Variants in COL14A1 observed in about 807,000 individuals in gnomAD.
The protein encoded by COL14A1 is collagen alpha-1(XIV) chain.
COL14A1 carries 136 observed loss-of-function variants against 230.3 expected under a neutral mutation model. The ratio of observed to expected loss-of-function variants is 0.59; its 90% CI spans 0.51 to 0.68. The LOEUF is 0.68. COL14A1 is among the 30% of genes least tolerant of loss of function. COL14A1 has a pLI of 0.00. For missense variants in COL14A1, 1,976 were observed against 2,215.8 expected (o/e 0.89, Z 2.17); for synonymous variants, 792 against 784.1 (o/e 1.01, Z -0.17).
Position 120,367,160 on chromosome 8 carries a change from A to G in COL14A1, c.5078-11A>G, listed in dbSNP as rs57507442. ...AGAACTTTAAACATTTTTAAAAATT[A>G]TTTTAAACAGGTCTAACTGGTATCA... On this transcript the variant is annotated splice_polypyrimidine_tract_variant and intron_variant, in intron 45 of 47. Coordinates refer to ENST00000297848, the MANE Select transcript of COL14A1 (RefSeq NM_021110.4). The G allele has an allele frequency of 1.3e-6, 2 of 1,574,994 alleles. No individual in the cohort carries two copies. The highest frequency in any genetic ancestry group is 8.6e-7 in the Non-Finnish European group (1 of 1,165,262).
intron 24 of COL14A1, 64 bp from the exon 25 acceptor site, chr8:120,266,763 G>C: frequency 1.5e-6 from 2 of 1,317,832 alleles, no homozygotes; most frequent in Non-Finnish European, 2.2e-6. Context: ...ATTACTCCAT[G>C]ACCTTCCGCT....
chr8:120,251,242 C>G (rs552468468), intron 22 of COL14A1, among the ~76,000 whole-genome samples: 2 of 152,166 alleles, frequency 1.3e-5, no homozygotes, highest in African/African-American at 4.8e-5. Flanking sequence ...GGCGGGATGT[C>G]AGTACCTGGC....
intron 21 of COL14A1, among the ~76,000 whole-genome samples, chr8:120,249,093 A>ATTTTTTTT (rs773091250): frequency 7.8e-6 from 1 of 127,900 alleles, no homozygotes; most frequent in African/African-American, 3.0e-5. Context: ...CGCCCGGCTA[A>ATTTTTTTT]TTTTTTTTTT....
chr8:120,295,843 A>C (rs1395630194), intron 34 of COL14A1, among the ~76,000 whole-genome samples: 2 of 151,894 alleles, frequency 1.3e-5, no homozygotes, highest in African/African-American at 4.8e-5. Context: ...CCAAGACATT[A>C]AATAATTTGT....
chr8:120,311,517 A>C (rs1264731469), intron 37 of COL14A1, among the ~76,000 whole-genome samples: 1 of 152,200 alleles, frequency 6.6e-6, no homozygotes, highest in Non-Finnish European at 1.5e-5. Context: ...GATTTTGATG[A>C]ATCACAGATC....
chr8:120,269,388 TCTGTAATAC>T (rs1819590347), intron 25 of COL14A1, among the ~76,000 whole-genome samples: 1 of 151,826 alleles, frequency 6.6e-6, no homozygotes, highest in South Asian at 2.1e-4. Flanking sequence ...TTTGTTGATA[TCTGTAATAC>T]CTACTGATAA....
chr8:120,128,715 C>G (rs967626087), intron 1 of COL14A1, among the ~76,000 whole-genome samples: 1 of 152,190 alleles, frequency 6.6e-6, no homozygotes, highest in African/African-American at 2.4e-5. Context: ...AGCCTAGACT[C>G]CCCGTTTCCT....
chr8:120,226,618 G>C lies in COL14A1; in HGVS notation c.1865-9G>C, dbSNP rs573163673. ...TTTCCCTAACAAAACCTCCTTCCTC[G>C]GTTTACAGAGGAAGTTCCAGCCCAG... On this transcript the variant is annotated splice_polypyrimidine_tract_variant and intron_variant, in intron 15 of 47. Coordinates refer to ENST00000297848, the MANE Select transcript of COL14A1 (RefSeq NM_021110.4). 1 of 1,611,342 alleles carries C rather than the reference G, an allele frequency of 6.2e-7. No homozygotes were observed. Among genetic ancestry groups the C allele is most frequent in the South Asian group, 1.1e-5 (1 of 90,458 alleles).
intron 5 of COL14A1, among the ~76,000 whole-genome samples, chr8:120,193,672 C>T (rs1177748550): frequency 1.3e-5 from 2 of 152,204 alleles, no homozygotes; most frequent in East Asian, 1.9e-4. Context: ...CAGAGGCAGG[C>T]AGGCCTCCTT....
chr8:120,256,420 T>C (rs1325159588), intron 23 of COL14A1, among the ~76,000 whole-genome samples: 4 of 152,180 alleles, frequency 2.6e-5, no homozygotes, highest in Non-Finnish European at 4.4e-5. Flanking sequence ...ATGTCCCTTG[T>C]AGAATAAGAA....
Position 120,270,113 on chromosome 8 carries a change from T to C in COL14A1, c.3152T>C (p.Ile1051Thr), listed in dbSNP as rs747086918. ...ATTGGAGATGAAAATTTCAATAAGA[T>C]CATCAGCTTTCTATACAGCACTGTT... ...WSIGDENFNKIISFLYSTVGA... is the reference protein window; with the variant it reads ...WSIGDENFNKTISFLYSTVGA... The change falls in exon 26 of 48, where the codon ATC (isoleucine) becomes ACC (threonine). Residue 1051 changes from isoleucine to threonine, a missense_variant. Around this residue, in one of 3 missense-constraint regions of COL14A1, gnomAD observed 1,791 missense variants for 2,019.5 expected, o/e 0.89. Transcript: ENST00000297848. The C allele has an allele frequency of 3.7e-6, 6 of 1,611,646 alleles. No homozygotes were observed. Among genetic ancestry groups the C allele is most frequent in the Non-Finnish European group, 5.1e-6 (6 of 1,178,446 alleles).
chr8:120,271,489 G>C (rs1009754712), intron 26 of COL14A1, among the ~76,000 whole-genome samples: 2 of 151,730 alleles, frequency 1.3e-5, no homozygotes, highest in Admixed American at 1.3e-4. Context: ...GTGATTTAAA[G>C]ATGTCAGGGG....
chr8:120,162,341 C>T, intron 3 of COL14A1, 85 bp from the exon 4 acceptor site: 1 of 1,147,698 alleles, frequency 8.7e-7, no homozygotes, highest in Non-Finnish European at 1.2e-6. Context: ...CTGTTTAACA[C>T]CATAATTGCT....
intron 5 of COL14A1, among the ~76,000 whole-genome samples, chr8:120,169,135 C>T (rs773992453): frequency 2.0e-5 from 3 of 152,144 alleles, no homozygotes; most frequent in Admixed American, 2.0e-4. Context: ...GGATTACAGG[C>T]GTGAGCCACT....
intron 1 of COL14A1, among the ~76,000 whole-genome samples, chr8:120,145,479 C>T (rs796216684): frequency 3.6e-4 from 54 of 152,088 alleles, no homozygotes; most frequent in African/African-American, 1.2e-3. Context: ...ATTAGCCGGG[C>T]GTAGTGGCAC....
chr8:120,365,872 C>T (rs1464861252), intron 45 of COL14A1, among the ~76,000 whole-genome samples: 1 of 152,072 alleles, frequency 6.6e-6, no homozygotes, highest in Non-Finnish European at 1.5e-5. Flanking sequence ...ATGAGTAGAC[C>T]AACCTGGATG....
At chr8:120,208,178 A>G in intron 10 of COL14A1, 54 bp from the exon 11 acceptor site, 1 of 1,493,960 alleles carries the variant, frequency 6.7e-7, no homozygotes. Flanking sequence ...TTTGATTTCA[A>G]TTCTGCGTGT....
At chr8:120,274,488 A>G (rs965028643) in intron 26 of COL14A1, among the ~76,000 whole-genome samples, 1 of 151,894 alleles carries the variant, frequency 6.6e-6, no homozygotes. Context: ...GCAATCAGGC[A>G]AGAGAAAATA....
intron 13 of COL14A1, 108 bp downstream of exon 13, chr8:120,212,685 A>G: frequency 6.8e-6 from 8 of 1,183,978 alleles, no homozygotes; most frequent in Non-Finnish European, 9.5e-6. Context: ...AAAGCTAATT[A>G]TAATTTTAAA....
Sources: gnomAD v4.1 joint callset for allele counts (sites outside exome capture counted in the v4.1 genomes callset) on GRCh38, gnomAD v4.1.1 for gene constraint, gnomAD v4.1.1 regional missense constraint, MANE v1.5 for transcripts, NCBI Gene and HGNC (gene_info 2026-07-23, HGNC 2026-07-21) for gene names.